Variants in PTPRN2 observed in about 807,000 individuals in gnomAD.
PTPRN2 encodes the protein protein tyrosine phosphatase receptor type N2.
PTPRN2 carries 74 observed loss-of-function variants against 118.8 expected under a neutral mutation model. The observed-to-expected ratio is 0.62, with a 90% confidence interval of 0.52 to 0.76. The LOEUF is 0.76. PTPRN2 is among the 30% of genes least tolerant of loss of function. The pLI, the probability that PTPRN2 is intolerant of heterozygous loss-of-function variation, is 0.00. For missense variants in PTPRN2, 1,481 were observed against 1,394.4 expected (o/e 1.06, Z -0.99); for synonymous variants, 641 against 608.0 (o/e 1.05, Z -0.80).
chr7:158,377,044 C>T lies in PTPRN2; in HGVS notation c.164-60112G>A, dbSNP rs535043099. ...CGGGGGTCAGGGGACTCCCCCACAG[C>T]CCTGTCACACGTCCTGAGAGGGGGG... On this transcript the variant is annotated intron_variant, in intron 2 of 22. Transcript: ENST00000389418. Among the ~76,000 whole-genome samples the T allele has an allele frequency of 4.7e-3, 590 of 124,782 alleles. 5 individuals are homozygous for T. The highest frequency in any genetic ancestry group is 0.018 in the African/African-American group (555 of 30,610). The allele number at this position is 124,782 out of a possible 152,430, so 81.9% of individuals were successfully genotyped here. A position where few individuals can be genotyped will look rare whatever the true frequency, so the allele number is the denominator to read the frequency against.
chr7:157,748,044 C>CGGAG (rs2150978057), intron 12 of PTPRN2, among the ~76,000 whole-genome samples: 3 of 91,264 alleles, frequency 3.3e-5, no homozygotes, highest in East Asian at 3.9e-4. Context: ...GAGCTCTGGG[C>CGGAG]TGTCCGGGTG....
chr7:158,248,424 G>A (rs75776453), intron 3 of PTPRN2, among the ~76,000 whole-genome samples: 1,701 of 152,278 alleles, frequency 0.011, 39 homozygotes, highest in African/African-American at 0.038. Flanking sequence ...CTGAGGCCAG[G>A]AAGCTTGTTT....
At chr7:158,328,333 G>A (rs1163346732) in intron 2 of PTPRN2, among the ~76,000 whole-genome samples, 1 of 152,242 alleles carries the variant, frequency 6.6e-6, no homozygotes, top group Non-Finnish European at 1.5e-5. Flanking sequence ...AGGCAGGACT[G>A]CTGTGAAGTC....
At position 158,360,084 on chromosome 7, in the gene PTPRN2, T is replaced by A. The variant is rs62493658; in HGVS notation, c.164-43152A>T. Among the ~76,000 whole-genome samples, 53 of 87,158 alleles carry A rather than the reference T, an allele frequency of 6.1e-4. 1 individual carries two copies. Among genetic ancestry groups the A allele is most frequent in the African/African-American group, 1.8e-3 (42 of 23,306 alleles). 57.2% of individuals were successfully genotyped at this position (87,158 alleles called of 152,430 possible). ...CGACGCACAGACCCCACATCCACCC[T>A]CACCCAGGATGACGCACAGACCCCA... is the stretch of plus-strand genomic sequence containing the variant. On this transcript the variant is annotated intron_variant, in intron 2 of 22. Transcript: ENST00000389418.
At chr7:157,725,622 G>A (rs1379487460) in intron 12 of PTPRN2, among the ~76,000 whole-genome samples, 44 of 130,670 alleles carry the variant, frequency 3.4e-4, no homozygotes, top group African/African-American at 4.5e-4. Context: ...AGAGGAGTGT[G>A]GCCATACCCT....
In PTPRN2 at chr7:158,387,772, G is replaced by A. The variant is rs55931751; in HGVS notation, c.164-70840C>T. The stretch of plus-strand genomic sequence containing the variant: ...GAGATGGAATCCTGCTGTAGATGGC[G>A]GCAACATGAAGAGCTGTCAAAGTCT... On this transcript the variant is annotated intron_variant, in intron 2 of 22. Transcript: ENST00000389418. 9.4e-3 allele frequency among the ~76,000 whole-genome samples: 1,434 copies of A among 152,252 alleles called. 28 individuals carry two copies. The highest frequency in any genetic ancestry group is 0.033 in the African/African-American group (1,350 of 41,528).
intron 2 of PTPRN2, among the ~76,000 whole-genome samples, chr7:158,419,032 C>T (rs1405371516): frequency 6.6e-6 from 1 of 152,250 alleles, no homozygotes; most frequent in Non-Finnish European, 1.5e-5. Context: ...CTCACATAGT[C>T]CTTGCCACTT....
intron 14 of PTPRN2, among the ~76,000 whole-genome samples, chr7:157,634,908 G>T: frequency 6.6e-6 from 1 of 152,248 alleles, no homozygotes; most frequent in East Asian, 1.9e-4. Context: ...GACACCGCGT[G>T]TGGGAGGAGC....
intron 2 of PTPRN2, among the ~76,000 whole-genome samples, chr7:158,444,406 T>G (rs1339640746): frequency 6.6e-6 from 1 of 152,226 alleles, no homozygotes; most frequent in Non-Finnish European, 1.5e-5. Flanking sequence ...TGTTTCTCCC[T>G]GAAAACCTGA....
chr7:158,061,831 C>T (rs1365385479), intron 11 of PTPRN2, among the ~76,000 whole-genome samples: 1 of 152,262 alleles, frequency 6.6e-6, no homozygotes, highest in African/African-American at 2.4e-5. Context: ...CCACTAGTGA[C>T]AGGGCCCTTC....
At chr7:158,210,639 CAACT>C (rs1368339979) in intron 3 of PTPRN2, among the ~76,000 whole-genome samples, 1 of 152,012 alleles carries the variant, frequency 6.6e-6, no homozygotes, top group African/African-American at 2.4e-5. Flanking sequence ...GGAGACATTA[CAACT>C]AATACTGCAG....
intron 11 of PTPRN2, among the ~76,000 whole-genome samples, chr7:157,930,879 C>T (rs1411593791): frequency 2.6e-5 from 4 of 150,946 alleles, no homozygotes; most frequent in East Asian, 1.9e-4. Flanking sequence ...GCCTTCCCTA[C>T]ATTTTGATAA....
chr7:158,492,918 C>T (rs958691855), intron 1 of PTPRN2, among the ~76,000 whole-genome samples: 1 of 152,240 alleles, frequency 6.6e-6, no homozygotes, highest in African/African-American at 2.4e-5. Context: ...CCTGTCGGCT[C>T]ACAGACTGCA....
At chr7:158,171,404 AATGGCGTG>A (rs1823695876) in intron 5 of PTPRN2, among the ~76,000 whole-genome samples, 1 of 145,130 alleles carries the variant, frequency 6.9e-6, no homozygotes, top group South Asian at 2.3e-4. Flanking sequence ...GCTGGAGTGC[AATGGCGTG>A]ATCTTGGCTC....
In PTPRN2 at chr7:158,587,727, G is replaced by C. The variant is rs901780200; in HGVS notation, c.-58C>G. The C allele has an allele frequency of 8.9e-7, 1 of 1,128,962 alleles. No individual in the cohort carries two copies. The allele number at this position is 1,128,962 out of a possible 1,614,324, so 69.9% of individuals were successfully genotyped here. On this transcript the variant is annotated 5_prime_UTR_variant, in exon 1 of 23. Transcript: ENST00000389418. ...GGCCGCGCGGGAGGCGGCGGGAGGC[G>C]GCCGAGTCCGGGCCCAGGGAGGCGC...
chr7:158,105,193 A>T (rs1473237656), intron 10 of PTPRN2, among the ~76,000 whole-genome samples: 1 of 138,770 alleles, frequency 7.2e-6, no homozygotes, highest in African/African-American at 2.7e-5. Context: ...CCCTAGCTTC[A>T]CCCTCAGCTC....
intron 3 of PTPRN2, among the ~76,000 whole-genome samples, chr7:158,290,061 A>C (rs1800016030): frequency 6.6e-6 from 1 of 152,140 alleles, no homozygotes; most frequent in African/African-American, 2.4e-5. Flanking sequence ...CCTGAGTCTG[A>C]AGGGGCTGTC....
intron 3 of PTPRN2, among the ~76,000 whole-genome samples, chr7:158,212,804 A>C (rs991965250): frequency 3.3e-5 from 5 of 152,190 alleles, no homozygotes; most frequent in Non-Finnish European, 7.3e-5. Flanking sequence ...CAGCAATTGG[A>C]ATGGAATAAG....
At chr7:158,171,359 A>AT (rs1823691899) in intron 5 of PTPRN2, among the ~76,000 whole-genome samples, 1 of 134,688 alleles carries the variant, frequency 7.4e-6, no homozygotes, top group Non-Finnish European at 1.6e-5. Flanking sequence ...ACACACACAC[A>AT]TTTTTTTAAG....
Sources: gnomAD v4.1 joint callset for allele counts (sites outside exome capture counted in the v4.1 genomes callset) on GRCh38, gnomAD v4.1.1 for gene constraint, MANE v1.5 for transcripts, NCBI Gene and HGNC (gene_info 2026-07-23, HGNC 2026-07-21) for gene names.